OSBPL10: variants seen among roughly 807,000 people sequenced by gnomAD.
OSBPL10 encodes oxysterol binding protein like 10.
Under a neutral mutation model 81.7 loss-of-function variants are expected in OSBPL10, and 49 were observed. The observed-to-expected ratio is 0.60, with a 90% CI of 0.48 to 0.76. The LOEUF is 0.76. Among genes scored for constraint, OSBPL10 ranks in the 30% least tolerant of loss-of-function variants. OSBPL10 has a pLI of 0.00. For synonymous variants in OSBPL10, 419 were observed against 383.6 expected, an observed-to-expected ratio of 1.09 and a Z score of -1.08; for missense variants, 923 against 987.8, an observed-to-expected ratio of 0.93 and a Z score of 0.88.
intron 2 of OSBPL10, among the ~76,000 whole-genome samples, chr3:32,043,286 G>A (rs144474400): frequency 0.017 from 2,565 of 152,222 alleles, 95 homozygotes; most frequent in African/African-American, 0.059. Flanking sequence ...GAAAAATATG[G>A]CTGTATTTTG....
chr3:31,996,995 C>G (rs1699096022), intron 2 of OSBPL10, among the ~76,000 whole-genome samples: 1 of 152,154 alleles, frequency 6.6e-6, no homozygotes, highest in African/African-American at 2.4e-5. Flanking sequence ...CATGGAGATT[C>G]ATCTTGATGC....
At chr3:31,962,698 CTT>C (rs1195868320) in intron 1 of OSBPL10, among the ~76,000 whole-genome samples, 1 of 152,196 alleles carries the variant, frequency 6.6e-6, no homozygotes, top group African/African-American at 2.4e-5. Context: ...TGAGACAAAA[CTT>C]TTCCATTTGG....
chr3:31,810,039 T>C (rs1287845607), intron 4 of OSBPL10, among the ~76,000 whole-genome samples: 1 of 151,868 alleles, frequency 6.6e-6, no homozygotes, highest in East Asian at 1.9e-4. Context: ...GCCCGGCTAA[T>C]TTCGTATCTT....
chr3:31,677,834 C>A (rs1469450957), intron 8 of OSBPL10, among the ~76,000 whole-genome samples: 1 of 149,916 alleles, frequency 6.7e-6, no homozygotes, highest in East Asian at 1.9e-4. Context: ...GTAATCCCAG[C>A]ACTTTGGGAG....
At chr3:31,980,631 T>C (rs955385218) in intron 1 of OSBPL10, among the ~76,000 whole-genome samples, 14 of 152,050 alleles carry the variant, frequency 9.2e-5, no homozygotes, top group Admixed American at 2.0e-4. Flanking sequence ...TCTCTGCAGG[T>C]GCCAGCATAG....
At chr3:32,024,649 G>A (rs751289282) in intron 2 of OSBPL10, among the ~76,000 whole-genome samples, 1 of 151,602 alleles carries the variant, frequency 6.6e-6, no homozygotes, top group Non-Finnish European at 1.5e-5. Context: ...CATGCTAGGC[G>A]AATTTTTGTA....
intron 1 of OSBPL10, among the ~76,000 whole-genome samples, chr3:31,895,629 A>C (rs1385933938): frequency 6.6e-6 from 1 of 152,092 alleles, no homozygotes; most frequent in Non-Finnish European, 1.5e-5. Flanking sequence ...CACAATTCCT[A>C]ACTGATAATC....
intron 2 of OSBPL10, chr3:31,991,012 T>A: frequency 6.5e-7 from 1 of 1,532,380 alleles, no homozygotes; most frequent in South Asian, 1.3e-5. Context: ...GAAAATTCAT[T>A]CCTGAGATAA....
At chr3:31,879,099 T>A (rs1472056102) in intron 2 of OSBPL10, among the ~76,000 whole-genome samples, 2 of 152,184 alleles carry the variant, frequency 1.3e-5, no homozygotes, top group Non-Finnish European at 2.9e-5. Context: ...TTCTTTTTTT[T>A]CTTTATTAAA....
chr3:31,841,037 T>C (rs1700480562), intron 3 of OSBPL10, among the ~76,000 whole-genome samples: 1 of 152,232 alleles, frequency 6.6e-6, no homozygotes, highest in East Asian at 1.9e-4. Context: ...GCCTCCCCTG[T>C]AGCTGGGATT....
At chr3:31,818,608 A>G (rs1429641037) in intron 4 of OSBPL10, among the ~76,000 whole-genome samples, 1 of 152,142 alleles carries the variant, frequency 6.6e-6, no homozygotes, top group East Asian at 1.9e-4. Context: ...TGCTAGCAGC[A>G]ATCAACTTCT....
intron 6 of OSBPL10, among the ~76,000 whole-genome samples, chr3:31,730,574 A>G (rs1696945260): frequency 6.6e-6 from 1 of 152,152 alleles, no homozygotes. Context: ...AGAATATTTC[A>G]TTTTCACATT....
intron 2 of OSBPL10, among the ~76,000 whole-genome samples, chr3:32,013,847 GA>G (rs1699284697): frequency 6.6e-6 from 1 of 152,160 alleles, no homozygotes; most frequent in African/African-American, 2.4e-5. Context: ...AAATCTAGAA[GA>G]AATGGATAAA....
At chr3:31,811,343 T>G (rs1273597529) in intron 4 of OSBPL10, among the ~76,000 whole-genome samples, 2 of 152,174 alleles carry the variant, frequency 1.3e-5, no homozygotes, top group Non-Finnish European at 2.9e-5. Flanking sequence ...AGGCCTGGGC[T>G]CAGAACTCGC....
chr3:32,056,378 A>C (rs1297818955), intron 1 of OSBPL10, among the ~76,000 whole-genome samples: 1 of 152,246 alleles, frequency 6.6e-6, no homozygotes, highest in Non-Finnish European at 1.5e-5. Flanking sequence ...GCCGGGTTCC[A>C]ACAATTGCCC....
intron 1 of OSBPL10, among the ~76,000 whole-genome samples, chr3:32,048,501 T>C (rs1045043058): frequency 6.6e-6 from 1 of 152,090 alleles, no homozygotes; most frequent in Non-Finnish European, 1.5e-5. Flanking sequence ...GAGGCGGGGT[T>C]TCACCATGTT....
At chr3:32,019,817 A>G (rs995856623) in intron 2 of OSBPL10, among the ~76,000 whole-genome samples, 1 of 152,214 alleles carries the variant, frequency 6.6e-6, no homozygotes, top group African/African-American at 2.4e-5. Flanking sequence ...AATAGCTTCA[A>G]CTATAGTCTA....
intron 1 of OSBPL10, among the ~76,000 whole-genome samples, chr3:31,970,808 T>C (rs1024230411): frequency 1.3e-5 from 2 of 152,244 alleles, no homozygotes; most frequent in Non-Finnish European, 2.9e-5. Context: ...TAGCCTTTTT[T>C]TAGCCTAGTC....
chr3:32,004,990 G>A (rs764279730), intron 2 of OSBPL10, among the ~76,000 whole-genome samples: 2 of 152,134 alleles, frequency 1.3e-5, no homozygotes, highest in African/African-American at 2.4e-5. Context: ...GGATAGGATG[G>A]CATCTTTATA....
Sources: gnomAD v4.1 joint callset for allele counts (sites outside exome capture counted in the v4.1 genomes callset) on GRCh38, gnomAD v4.1.1 for gene constraint, MANE v1.5 for transcripts, NCBI Gene and HGNC (gene_info 2026-07-23, HGNC 2026-07-21) for gene names.